Variants in CCDC57 observed in about 807,000 individuals in gnomAD.
CCDC57 encodes coiled-coil domain containing 57.
In CCDC57, 118 loss-of-function variants were observed where a neutral mutation model predicts 118.9. The observed-to-expected ratio is 0.99, with a 90% confidence interval of 0.86 to 1.16. The LOEUF (loss-of-function observed/expected upper bound fraction) is 1.16, where lower values mean the gene tolerates loss of function less well. CCDC57 is among the 50% of genes most tolerant of loss of function. The pLI, the probability that CCDC57 is intolerant of heterozygous loss-of-function variation, is 0.00. For missense variants in CCDC57, 1,300 were observed against 1,320.7 expected (o/e 0.98, Z 0.24); for synonymous variants, 527 against 532.9 (o/e 0.99, Z 0.15).
intron 19 of CCDC57, chr17:82,108,824 A>G (rs1018587341): frequency 2.6e-5 from 4 of 152,238 alleles, no homozygotes; most frequent in Non-Finnish European, 5.9e-5. Context: ...CGTCTCCAGG[A>G]AAGGAAGGAG....
chr17:82,164,636 A>T (rs916917476), intron 13 of CCDC57, among the ~76,000 whole-genome samples: 1 of 152,208 alleles, frequency 6.6e-6, no homozygotes, highest in African/African-American at 2.4e-5. Flanking sequence ...TTAAAAACTC[A>T]TAGGATACTA....
At chr17:82,176,621 C>T (rs917218946) in intron 11 of CCDC57, among the ~76,000 whole-genome samples, 1 of 152,098 alleles carries the variant, frequency 6.6e-6, no homozygotes, top group Non-Finnish European at 1.5e-5. Flanking sequence ...CCAGCGTGGG[C>T]CCCCTGGACC....
chr17:82,168,157 GT>G (rs2044227968), intron 13 of CCDC57, among the ~76,000 whole-genome samples: 1 of 152,192 alleles, frequency 6.6e-6, no homozygotes, highest in Non-Finnish European at 1.5e-5. Flanking sequence ...TGGGTTGACA[GT>G]TTTTTGCTTT....
chr17:82,123,374 C>G (rs2037001547), intron 19 of CCDC57, among the ~76,000 whole-genome samples: 1 of 150,888 alleles, frequency 6.6e-6, no homozygotes, highest in Admixed American at 6.6e-5. Context: ...AGCGATCCTC[C>G]CACTTTAGCC....
chr17:82,203,362 C>T (rs912999535), intron 2 of CCDC57, among the ~76,000 whole-genome samples: 1 of 152,158 alleles, frequency 6.6e-6, no homozygotes, highest in African/African-American at 2.4e-5. Flanking sequence ...ATAAATTACC[C>T]AGCGTCAGGT....
Position 82,184,031 on chromosome 17 carries a change from GCACACACACACACA to G in CCDC57, c.1053-113_1053-100del, listed in dbSNP as rs71166198. 299 of 131,870 alleles carry G rather than the reference GCACACACACACACA, an allele frequency of 2.3e-3. 3 individuals carry two copies. The highest frequency in any genetic ancestry group is 0.021 in the South Asian group (192 of 8,984). The allele number at this position is 131,870 out of a possible 1,614,324, so 8.2% of individuals were successfully genotyped here. A position where few individuals can be genotyped will look rare whatever the true frequency, so the allele number is the denominator to read the frequency against. On this transcript the variant is annotated intron_variant, in intron 8 of 19. Coordinates refer to ENST00000665763, the Ensembl canonical transcript of CCDC57. ...CAAATACACATGCGCGCGCGCGCGC[GCACACACACACACA>G]CACACACACACACACACACACACAC...
chr17:82,152,891 C>T (rs756367181), intron 15 of CCDC57, among the ~76,000 whole-genome samples: 11 of 152,160 alleles, frequency 7.2e-5, no homozygotes, highest in East Asian at 1.9e-4. Context: ...TCATGTGGGA[C>T]GCTCGGGGGC....
intron 7 of CCDC57, among the ~76,000 whole-genome samples, chr17:82,191,295 C>A (rs2047644971): frequency 6.6e-6 from 1 of 151,882 alleles, no homozygotes; most frequent in Non-Finnish European, 1.5e-5. Context: ...GAAGCAGTGC[C>A]AGAAAAGAAA....
At chr17:82,156,299 AAAAG>A (rs1363097621) in intron 15 of CCDC57, 2 of 152,080 alleles carry the variant, frequency 1.3e-5, no homozygotes, top group African/African-American at 2.4e-5. Flanking sequence ...TCAAAAAAAA[AAAAG>A]AAAGAAAAAA....
chr17:82,157,817 C>A, exon 15 of CCDC57: 1 of 1,604,578 alleles, frequency 6.2e-7, no homozygotes, highest in Non-Finnish European at 8.5e-7. Flanking sequence ...CTCCCCCGTG[C>A]TGGGCTATCC....
At chr17:82,132,799 G>T (rs182448001) in intron 17 of CCDC57, among the ~76,000 whole-genome samples, 1 of 126,566 alleles carries the variant, frequency 7.9e-6, no homozygotes, top group East Asian at 2.6e-4. Context: ...TTGCTCTGTC[G>T]CCCAGGCTGG....
chr17:82,197,696 G>A (rs2048485685), intron 4 of CCDC57, among the ~76,000 whole-genome samples: 1 of 152,172 alleles, frequency 6.6e-6, no homozygotes, highest in South Asian at 2.1e-4. Context: ...TGTCTGCAAG[G>A]GTGTTTCCAG....
chr17:82,187,789 G>A (rs1441111127), intron 8 of CCDC57, among the ~76,000 whole-genome samples: 3 of 124,542 alleles, frequency 2.4e-5, no homozygotes, highest in East Asian at 2.4e-4. Context: ...GGGAGTTGGC[G>A]GGGCTGGGGG....
At chr17:82,147,676 A>G (rs1212536677) in intron 16 of CCDC57, among the ~76,000 whole-genome samples, 33 of 92,658 alleles carry the variant, frequency 3.6e-4, no homozygotes, top group African/African-American at 4.3e-4. Context: ...TGGGTGGGTG[A>G]ATGGATGAAT....
At chr17:82,185,401 T>C (rs1347325443) in intron 8 of CCDC57, among the ~76,000 whole-genome samples, 1 of 151,790 alleles carries the variant, frequency 6.6e-6, no homozygotes, top group East Asian at 1.9e-4. Context: ...GCAGACTGCT[T>C]GAGGTCCCAG....
chr17:82,103,351 T>G (rs1275990554), intron 19 of CCDC57, among the ~76,000 whole-genome samples: 2 of 152,072 alleles, frequency 1.3e-5, no homozygotes, highest in Non-Finnish European at 2.9e-5. Context: ...GGACGCTGCC[T>G]GCTCCCTTTG....
At position 82,201,956 on chromosome 17, in the gene CCDC57, C is replaced by T. The variant is rs543079629; in HGVS notation, c.-8-4G>A. 1 of 1,578,728 alleles carries T rather than the reference C, an allele frequency of 6.3e-7. No homozygotes were observed. Among genetic ancestry groups the T allele is most frequent in the East Asian group, 2.3e-5 (1 of 44,224 alleles). ...CCCAGTGGCAGCATGGTGGCCGCTG[C>T]AGTAAAGAGAAATCAGGTTCAGGGT... On this transcript the variant is annotated splice_polypyrimidine_tract_variant and splice_region_variant and intron_variant, in intron 2 of 19. Transcript: ENST00000665763.
intron 19 of CCDC57, among the ~76,000 whole-genome samples, chr17:82,103,961 G>C (rs775659474): frequency 1.1e-4 from 17 of 152,186 alleles, no homozygotes; most frequent in Non-Finnish European, 2.5e-4. Flanking sequence ...CCTCCTCAGT[G>C]ATGGTGGCAG....
At chr17:82,201,408 G>A (rs1205295209) in intron 3 of CCDC57, 130 bp downstream of exon 2, 4 of 1,198,262 alleles carry the variant, frequency 3.3e-6, no homozygotes, top group East Asian at 2.6e-5. Flanking sequence ...ACCAGCTCCC[G>A]TGGCCTGGAA....
Sources: gnomAD v4.1 joint callset for allele counts (sites outside exome capture counted in the v4.1 genomes callset) on GRCh38, gnomAD v4.1.1 for gene constraint, MANE v1.5 for transcripts, NCBI Gene and HGNC (gene_info 2026-07-23, HGNC 2026-07-21) for gene names.